Variants in CHST8 observed in about 807,000 individuals in gnomAD.
CHST8 encodes GALNAC-4-ST1.
In CHST8, 10 loss-of-function variants were observed where a neutral mutation model predicts 15.0. The observed-to-expected ratio is 0.67, with a 90% confidence interval of 0.41 to 1.13. The LOEUF (loss-of-function observed/expected upper bound fraction) is 1.13, where lower values mean the gene tolerates loss of function less well. Ranked by LOEUF, CHST8 falls within the 50% of genes most tolerant of loss-of-function variation. CHST8 has a pLI of 0.00. For missense variants in CHST8, 634 were observed against 608.2 expected, an observed-to-expected ratio of 1.04 and a Z score of -0.45; for synonymous variants, 259 against 256.6, an observed-to-expected ratio of 1.01 and a Z score of -0.09.
chr19:33,734,560 T>G (rs1974049169), intron 3 of CHST8, among the ~76,000 whole-genome samples: 1 of 152,114 alleles, frequency 6.6e-6, no homozygotes. Context: ...TATGAAGGAA[T>G]GGGGTGGCAG....
chr19:33,680,188 A>G (rs1308659944), intron 2 of CHST8, among the ~76,000 whole-genome samples: 2 of 152,218 alleles, frequency 1.3e-5, no homozygotes, highest in Admixed American at 6.5e-5. Flanking sequence ...TTTTTACTTC[A>G]AAAGGTTATT....
chr19:33,678,196 C>T (rs953761156), intron 2 of CHST8, among the ~76,000 whole-genome samples: 4 of 152,110 alleles, frequency 2.6e-5, no homozygotes, highest in African/African-American at 7.2e-5. Context: ...GAACACAGGA[C>T]GTTAGCTGGA....
chr19:33,693,494 T>C (rs1973140243), intron 3 of CHST8, among the ~76,000 whole-genome samples: 1 of 152,228 alleles, frequency 6.6e-6, no homozygotes, highest in Admixed American at 6.5e-5. Flanking sequence ...TTCCATCCAA[T>C]ATCCAGAAAA....
intron 3 of CHST8, among the ~76,000 whole-genome samples, chr19:33,737,574 C>T (rs1050283188): frequency 2.0e-5 from 3 of 152,156 alleles, no homozygotes; most frequent in Non-Finnish European, 4.4e-5. Flanking sequence ...GAATTGTCCC[C>T]ACGGACTACT....
intron 3 of CHST8, among the ~76,000 whole-genome samples, chr19:33,696,357 G>T (rs557111939): frequency 2.0e-5 from 3 of 152,158 alleles, no homozygotes; most frequent in Middle Eastern, 3.4e-3. Context: ...AGGCCGCACA[G>T]TAAGAGGTGA....
chr19:33,771,969 G>A lies in CHST8; in HGVS notation c.181G>A (p.Gly61Ser), dbSNP rs1375972904. 1.3e-6 allele frequency: 2 copies of A among 1,569,428 alleles called. No homozygotes were observed. Among genetic ancestry groups the A allele is most frequent in the Non-Finnish European group, 8.6e-7 (1 of 1,160,440 alleles). ...PRQPHHDLPP[G>S]GSQDGDLKEP... The stretch of plus-strand genomic sequence containing the variant: ...CTTCTTGCCCCAGGACCTCCCACCA[G>A]GCGGCTCCCAGGATGGTGACTTGAA... The change falls in exon 5 of 5, where the codon GGC (glycine) becomes AGC (serine). Residue 61 changes from glycine to serine, a missense_variant. Transcript: ENST00000650847.
At chr19:33,673,714 G>T (rs1179605199) in intron 2 of CHST8, among the ~76,000 whole-genome samples, 2 of 152,066 alleles carry the variant, frequency 1.3e-5, no homozygotes, top group East Asian at 3.9e-4. Flanking sequence ...AGGTCAAGCT[G>T]GAGGGGTCTC....
intron 2 of CHST8, among the ~76,000 whole-genome samples, chr19:33,682,851 C>A (rs1355839350): frequency 6.6e-6 from 1 of 152,118 alleles, no homozygotes; most frequent in Non-Finnish European, 1.5e-5. Flanking sequence ...TAAAGAAATA[C>A]TTGAGGTTGA....
chr19:33,749,142 C>T (rs1215806424), intron 3 of CHST8, among the ~76,000 whole-genome samples: 2 of 152,082 alleles, frequency 1.3e-5, no homozygotes, highest in African/African-American at 4.8e-5. Flanking sequence ...GTCCGGGGCT[C>T]CCCCACCTCA....
intron 2 of CHST8, among the ~76,000 whole-genome samples, chr19:33,672,595 C>T (rs1000040989): frequency 2.0e-5 from 3 of 152,116 alleles, no homozygotes; most frequent in Admixed American, 6.5e-5. Context: ...GGGGAAGATG[C>T]GGAGAAACAG....
intron 2 of CHST8, among the ~76,000 whole-genome samples, chr19:33,671,197 C>T (rs1972733087): frequency 6.6e-6 from 1 of 152,090 alleles, no homozygotes; most frequent in African/African-American, 2.4e-5. Flanking sequence ...AGCTCATGGC[C>T]GGCAAGTGTG....
chr19:33,704,081 A>G (rs1401918151), intron 3 of CHST8, among the ~76,000 whole-genome samples: 1 of 152,094 alleles, frequency 6.6e-6, no homozygotes, highest in Non-Finnish European at 1.5e-5. Flanking sequence ...CCTCCCCAAA[A>G]GGCCTGAAGA....
chr19:33,722,300 T>C (rs1973814816), intron 3 of CHST8, among the ~76,000 whole-genome samples: 1 of 149,914 alleles, frequency 6.7e-6, no homozygotes, highest in Non-Finnish European at 1.5e-5. Context: ...GATGGAAAGA[T>C]GGACAGATGG....
At chr19:33,699,690 TG>T (rs1300636618) in intron 3 of CHST8, among the ~76,000 whole-genome samples, 5 of 152,126 alleles carry the variant, frequency 3.3e-5, no homozygotes, top group Non-Finnish European at 7.4e-5. Flanking sequence ...CTTGTTTTGA[TG>T]TCCTGGAGGC....
At chr19:33,623,222 C>T (rs1405760976) in intron 1 of CHST8, among the ~76,000 whole-genome samples, 5 of 152,232 alleles carry the variant, frequency 3.3e-5, no homozygotes, top group Non-Finnish European at 2.9e-5. Flanking sequence ...GCGCCCTCGG[C>T]TGTGGGCGCT....
chr19:33,712,335 G>T (rs1339254172), intron 3 of CHST8, among the ~76,000 whole-genome samples: 1 of 152,198 alleles, frequency 6.6e-6, no homozygotes, highest in African/African-American at 2.4e-5. Context: ...CCCAAGCCTG[G>T]GGGAGGAGGA....
intron 3 of CHST8, among the ~76,000 whole-genome samples, chr19:33,724,307 C>T (rs983334983): frequency 1.4e-4 from 21 of 152,190 alleles, no homozygotes; most frequent in African/African-American, 4.8e-4. Context: ...CCACCATCCT[C>T]TCACTGTGCA....
At chr19:33,757,765 A>G (rs1330703626) in intron 3 of CHST8, among the ~76,000 whole-genome samples, 3 of 151,836 alleles carry the variant, frequency 2.0e-5, no homozygotes, top group African/African-American at 4.8e-5. Flanking sequence ...CCCAGACTCA[A>G]CATGGGAGCT....
At chr19:33,628,265 A>G (rs1972081841) in intron 1 of CHST8, among the ~76,000 whole-genome samples, 1 of 152,180 alleles carries the variant, frequency 6.6e-6, no homozygotes. Flanking sequence ...GAGCTGTGGG[A>G]AGGCCCATGT....
Sources: gnomAD v4.1 joint callset for allele counts (sites outside exome capture counted in the v4.1 genomes callset) on GRCh38, gnomAD v4.1.1 for gene constraint, MANE v1.5 for transcripts, NCBI Gene and HGNC (gene_info 2026-07-23, HGNC 2026-07-21) for gene names.